Variants in MAML3 observed in about 807,000 individuals in gnomAD.
MAML3 encodes the protein mastermind like transcriptional coactivator 3.
In MAML3, 27 loss-of-function variants were observed where a neutral mutation model predicts 101.9. The observed-to-expected ratio is 0.27, with a 90% confidence interval of 0.20 to 0.37. The LOEUF (loss-of-function observed/expected upper bound fraction) is 0.37. Ranked by LOEUF, MAML3 falls within the 10% of genes least tolerant of loss-of-function variation. The pLI is 1.00. For synonymous variants in MAML3, 501 were observed against 555.9 expected (o/e 0.90, Z 1.39); for missense variants, 1,316 against 1,444.9 (o/e 0.91, Z 1.45).
intron 4 of MAML3, among the ~76,000 whole-genome samples, chr4:139,724,668 G>A (rs1052714839): frequency 3.3e-5 from 5 of 152,112 alleles, no homozygotes; most frequent in African/African-American, 1.2e-4. Flanking sequence ...ATGGGATTAG[G>A]ATTTCTGCTG....
intron 1 of MAML3, among the ~76,000 whole-genome samples, chr4:139,974,047 C>A (rs774385950): frequency 9.2e-5 from 14 of 152,072 alleles, no homozygotes; most frequent in Non-Finnish European, 1.5e-4. Context: ...AATTAACGGC[C>A]TACAACGTTC....
intron 1 of MAML3, among the ~76,000 whole-genome samples, chr4:139,936,906 G>T (rs1171976442): frequency 6.6e-6 from 1 of 152,110 alleles, no homozygotes; most frequent in Non-Finnish European, 1.5e-5. Context: ...AATTCATCTT[G>T]CTCAAGGGAG....
intron 2 of MAML3, among the ~76,000 whole-genome samples, chr4:139,753,591 A>T (rs993255832): frequency 1.3e-5 from 2 of 152,202 alleles, no homozygotes. Context: ...TTTACAAAAT[A>T]AGTGAAGGGA....
chr4:139,972,133 T>C (rs56218782), intron 1 of MAML3, among the ~76,000 whole-genome samples: 34,457 of 152,024 alleles, frequency 0.23, 4,996 homozygotes, highest in Non-Finnish European at 0.32. Context: ...ATGTGTGCCA[T>C]GGTGGTTTGT....
Position 139,938,528 on chromosome 4 carries a change from A to G in MAML3, c.469-47561T>C, listed in dbSNP as rs540777087. On this transcript the variant is annotated intron_variant, in intron 1 of 4. Coordinates refer to ENST00000509479, the MANE Select transcript of MAML3 (RefSeq NM_018717.5). ...TCTAATACCCATACGATGTCAGCAC[A>G]TAACATATCATAATAGTGCCTGGGT... Among the ~76,000 whole-genome samples, 22 of 152,346 alleles carry G rather than the reference A, an allele frequency of 1.4e-4. No individual in the cohort carries two copies. In the South Asian group the frequency reaches 4.1e-3, roughly 29 times the overall value.
intron 1 of MAML3, among the ~76,000 whole-genome samples, chr4:139,904,816 T>C (rs1320931321): frequency 6.6e-6 from 1 of 152,236 alleles, no homozygotes; most frequent in African/African-American, 2.4e-5. Context: ...GCTGCTAGGC[T>C]ACAAACCTGT....
At chr4:139,896,649 T>TGAGAGAGA (rs147800631) in intron 1 of MAML3, among the ~76,000 whole-genome samples, 1 of 147,058 alleles carries the variant, frequency 6.8e-6, no homozygotes, top group Non-Finnish European at 1.5e-5. Context: ...GGTGTGTGTG[T>TGAGAGAGA]GTGAGAGAGA....
intron 2 of MAML3, among the ~76,000 whole-genome samples, chr4:139,857,689 C>T (rs967808838): frequency 2.6e-5 from 4 of 152,098 alleles, no homozygotes; most frequent in Non-Finnish European, 5.9e-5. Context: ...TTAGATTGAG[C>T]CAAAATTTGT....
intron 1 of MAML3, among the ~76,000 whole-genome samples, chr4:139,931,531 C>G (rs189194399): frequency 6.6e-6 from 1 of 152,072 alleles, no homozygotes; most frequent in African/African-American, 2.4e-5. Context: ...TGTTCTGGAT[C>G]GTATCCTCTA....
chr4:140,069,649 GAGGAGAAGGAGA>G (rs965092857), intron 1 of MAML3, among the ~76,000 whole-genome samples: 1 of 147,372 alleles, frequency 6.8e-6, no homozygotes. Context: ...GAAGAAGGAG[GAGGAGAAGGAGA>G]AGGAGAAAGA....
intron 1 of MAML3, among the ~76,000 whole-genome samples, chr4:139,981,285 G>A (rs938277080): frequency 6.6e-6 from 1 of 152,160 alleles, no homozygotes; most frequent in Non-Finnish European, 1.5e-5. Context: ...TTGGCTTAGC[G>A]CCCTACCCCA....
chr4:139,788,649 G>C (rs1349915343), intron 2 of MAML3, among the ~76,000 whole-genome samples: 1 of 152,252 alleles, frequency 6.6e-6, no homozygotes, highest in African/African-American at 2.4e-5. Context: ...TTCTCTTGCA[G>C]ATAGGGATGG....
chr4:139,788,288 G>A (rs894669538), intron 2 of MAML3, among the ~76,000 whole-genome samples: 1 of 152,140 alleles, frequency 6.6e-6, no homozygotes, highest in Admixed American at 6.5e-5. Flanking sequence ...TTGTCAAATG[G>A]AGCCTTCCGC....
chr4:140,153,649 C>G lies in MAML3; in HGVS notation c.-322G>C, dbSNP rs1196175202. 6.1e-6 allele frequency: 2 copies of G among 326,642 alleles called. No individual in the cohort carries two copies. Among genetic ancestry groups the G allele is most frequent in the Admixed American group, 9.3e-5 (2 of 21,450 alleles). The allele number at this position is 326,642 out of a possible 1,614,324, so 20.2% of individuals were successfully genotyped here. A position where few individuals can be genotyped will look rare whatever the true frequency, so the allele number is the denominator to read the frequency against. ...ATCGGGTTGCAACTCAAGGGGAGATCCGCTCCTTGCTTGCCTTCTTTTTAT... is the reference window on the plus strand; with the variant it reads ...ATCGGGTTGCAACTCAAGGGGAGATGCGCTCCTTGCTTGCCTTCTTTTTAT... On this transcript the variant is annotated 5_prime_UTR_variant, in exon 1 of 5. Transcript: ENST00000509479.
intron 1 of MAML3, among the ~76,000 whole-genome samples, chr4:140,136,802 TAAAC>T (rs1456539431): frequency 1.3e-5 from 2 of 152,214 alleles, no homozygotes; most frequent in Non-Finnish European, 2.9e-5. Flanking sequence ...AGCTAGCTAT[TAAAC>T]AAAGATTCCT....
chr4:139,972,622 A>C (rs1421482803), intron 1 of MAML3, among the ~76,000 whole-genome samples: 1 of 152,260 alleles, frequency 6.6e-6, no homozygotes, highest in African/African-American at 2.4e-5. Context: ...GGTTTTGGGA[A>C]GATGGCAATG....
chr4:139,865,377 T>C (rs942586938), intron 2 of MAML3, among the ~76,000 whole-genome samples: 6 of 152,140 alleles, frequency 3.9e-5, no homozygotes, highest in African/African-American at 1.2e-4. Flanking sequence ...CCAGGTGACC[T>C]TGGGGAGAAA....
At chr4:139,999,764 C>T (rs945791221) in intron 1 of MAML3, among the ~76,000 whole-genome samples, 1 of 152,164 alleles carries the variant, frequency 6.6e-6, no homozygotes, top group South Asian at 2.1e-4. Context: ...TAAGAACCAA[C>T]TCGAAACTGT....
At chr4:139,808,640 C>G (rs1233270282) in intron 2 of MAML3, among the ~76,000 whole-genome samples, 1 of 152,192 alleles carries the variant, frequency 6.6e-6, no homozygotes, top group Non-Finnish European at 1.5e-5. Flanking sequence ...AAGCCAGTCA[C>G]TGCCATTCCC....
Sources: allele counts gnomAD v4.1 joint callset (sites outside exome capture counted in the v4.1 genomes callset), GRCh38; gene constraint gnomAD v4.1.1; transcripts MANE v1.5; gene names NCBI Gene and HGNC (gene_info 2026-07-23, HGNC 2026-07-21).